Variants in FGF12 observed in about 807,000 individuals in gnomAD.
FGF12 encodes fibroblast growth factor 12B.
A neutral mutation model predicts 23.6 loss-of-function variants in FGF12; 14 were observed. The observed-to-expected ratio is 0.59, with a 90% confidence interval of 0.39 to 0.93. The LOEUF (loss-of-function observed/expected upper bound fraction) is 0.93. Among genes scored for constraint, FGF12 ranks in the 40% least tolerant of loss-of-function variants. The pLI is 0.00. For missense variants in FGF12, 175 were observed against 217.8 expected (o/e 0.80, Z 1.24); for synonymous variants, 62 against 77.3 (o/e 0.80, Z 1.04).
chr3:192,178,775 G>A (rs1716003555), intron 4 of FGF12, among the ~76,000 whole-genome samples: 3 of 152,182 alleles, frequency 2.0e-5, no homozygotes, highest in Admixed American at 2.0e-4. Flanking sequence ...TGGGATTACA[G>A]GCATAAGCCA....
At chr3:192,392,617 A>T (rs1720351928) in intron 2 of FGF12, among the ~76,000 whole-genome samples, 1 of 117,638 alleles carries the variant, frequency 8.5e-6, no homozygotes, top group Non-Finnish European at 1.8e-5. Context: ...AGAGAGAGAG[A>T]GAGAGAGAGA....
chr3:192,161,997 T>C (rs935978702), intron 5 of FGF12, among the ~76,000 whole-genome samples: 3 of 152,118 alleles, frequency 2.0e-5, no homozygotes, highest in Non-Finnish European at 4.4e-5. Context: ...AACTAAAACA[T>C]TAAACTCTAT....
intron 2 of FGF12, among the ~76,000 whole-genome samples, chr3:192,405,407 A>G (rs1473315061): frequency 6.6e-6 from 1 of 151,254 alleles, no homozygotes; most frequent in African/African-American, 2.5e-5. Context: ...GGCCTTTCCC[A>G]TCAAACACTT....
intron 2 of FGF12, among the ~76,000 whole-genome samples, chr3:192,591,059 T>A (rs1170900355): frequency 6.6e-6 from 1 of 151,598 alleles, no homozygotes; most frequent in Non-Finnish European, 1.5e-5. Context: ...CTCTTCATTT[T>A]CTATTCATAT....
At chr3:192,319,409 C>T (rs1716410541) in intron 4 of FGF12, among the ~76,000 whole-genome samples, 1 of 151,998 alleles carries the variant, frequency 6.6e-6, no homozygotes, top group Non-Finnish European at 1.5e-5. Context: ...CCATCCTGGC[C>T]AACATGGTGA....
intron 2 of FGF12, among the ~76,000 whole-genome samples, chr3:192,453,170 C>A (rs2108802691): frequency 6.6e-6 from 1 of 152,240 alleles, no homozygotes; most frequent in Non-Finnish European, 1.5e-5. Flanking sequence ...ATATGTCTCC[C>A]TTTTCATTTA....
chr3:192,381,022 T>C (rs746966799), intron 2 of FGF12, among the ~76,000 whole-genome samples: 3 of 151,228 alleles, frequency 2.0e-5, no homozygotes, highest in Non-Finnish European at 2.9e-5. Context: ...ATAGAAATTA[T>C]TGCAATATCA....
At chr3:192,585,552 T>A (rs1713336583) in intron 2 of FGF12, among the ~76,000 whole-genome samples, 1 of 152,080 alleles carries the variant, frequency 6.6e-6, no homozygotes, top group Non-Finnish European at 1.5e-5. Flanking sequence ...AGCTGGTAGG[T>A]ATCTCACCAG....
At chr3:192,625,715 T>C (rs1023572197) in intron 2 of FGF12, among the ~76,000 whole-genome samples, 1 of 152,132 alleles carries the variant, frequency 6.6e-6, no homozygotes, top group African/African-American at 2.4e-5. Flanking sequence ...ACTAGGTGTC[T>C]AGATTATCCC....
chr3:192,192,399 A>G (rs1206585228), intron 4 of FGF12, among the ~76,000 whole-genome samples: 1 of 148,972 alleles, frequency 6.7e-6, no homozygotes, highest in East Asian at 1.9e-4. Flanking sequence ...AAAATTTGTA[A>G]GATTTTTTGT....
rs914949181 is a variant in FGF12, at chr3:192,204,030, A to G, written c.229-33374T>C. Among the ~76,000 whole-genome samples, 5 of 152,144 alleles carry G rather than the reference A, an allele frequency of 3.3e-5. No individual in the cohort carries two copies. The South Asian group carries it at 1.0e-3, about 32-fold the overall frequency. On this transcript the variant is annotated intron_variant, in intron 4 of 5. Transcript: ENST00000445105. ...GAATTTGTCGTTAAAAAAAAAGCAA[A>G]TCTGTCCGATTTATTAATTATGATT...
chr3:192,485,287 T>A (rs1326426388), intron 2 of FGF12, among the ~76,000 whole-genome samples: 3 of 152,210 alleles, frequency 2.0e-5, no homozygotes, highest in Non-Finnish European at 4.4e-5. Context: ...TTGTATTATA[T>A]GTTTCACTCC....
intron 4 of FGF12, among the ~76,000 whole-genome samples, chr3:192,211,178 T>G (rs148146844): frequency 6.6e-6 from 1 of 152,224 alleles, no homozygotes; most frequent in African/African-American, 2.4e-5. Flanking sequence ...TGAGAAATGG[T>G]CAGATTATGC....
intron 4 of FGF12, among the ~76,000 whole-genome samples, chr3:192,224,594 T>C (rs1290394666): frequency 1.3e-5 from 2 of 152,092 alleles, no homozygotes; most frequent in Non-Finnish European, 2.9e-5. Flanking sequence ...TTCCTCAACT[T>C]ATTCTTAAAT....
chr3:192,315,464 C>T (rs1430290986), intron 4 of FGF12, among the ~76,000 whole-genome samples: 2 of 152,052 alleles, frequency 1.3e-5, no homozygotes, highest in East Asian at 1.9e-4. Context: ...TTTCCTCTCC[C>T]TGAAGGTTAT....
At chr3:192,709,855 C>T (rs918524259) in intron 2 of FGF12, among the ~76,000 whole-genome samples, 1 of 152,180 alleles carries the variant, frequency 6.6e-6, no homozygotes, top group African/African-American at 2.4e-5. Context: ...ATCTTGAACA[C>T]TGGTGTCTGT....
chr3:192,143,522 T>C lies in FGF12; in HGVS notation c.*487A>G, dbSNP rs1333826721. 1 of 152,636 alleles carries C rather than the reference T, an allele frequency of 6.6e-6. No individual in the cohort carries two copies. Among genetic ancestry groups the C allele is most frequent in the African/African-American group, 2.4e-5 (1 of 41,580 alleles). 9.5% of individuals were successfully genotyped at this position (152,636 alleles called of 1,614,324 possible). ...CAAAAAAAATCCTGCAAACAGAATGTAATGGTGTGTCAATTCCAGATGCCC... is the reference window on the plus strand; with the variant it reads ...CAAAAAAAATCCTGCAAACAGAATGCAATGGTGTGTCAATTCCAGATGCCC... On this transcript the variant is annotated 3_prime_UTR_variant, in exon 6 of 6. Coordinates refer to ENST00000445105, the MANE Select transcript of FGF12 (RefSeq NM_004113.6).
intron 2 of FGF12, among the ~76,000 whole-genome samples, chr3:192,652,276 C>G (rs953603): frequency 3.3e-5 from 5 of 151,910 alleles, no homozygotes; most frequent in African/African-American, 9.7e-5. Flanking sequence ...TTTAGCTAGG[C>G]CTTGAAGAGG....
intron 3 of FGF12, among the ~76,000 whole-genome samples, chr3:192,337,703 G>A (rs756245545): frequency 2.6e-5 from 4 of 152,144 alleles, no homozygotes; most frequent in African/African-American, 4.8e-5. Context: ...ATTGCACAGA[G>A]TTGATAGAAC....
Sources: gnomAD v4.1 joint callset for allele counts (sites outside exome capture counted in the v4.1 genomes callset) on GRCh38, gnomAD v4.1.1 for gene constraint, MANE v1.5 for transcripts, NCBI Gene and HGNC (gene_info 2026-07-23, HGNC 2026-07-21) for gene names.